Variants in ANPEP observed in about 807,000 individuals in gnomAD.
ANPEP encodes aminopeptidase N.
A neutral mutation model predicts 114.6 loss-of-function variants in ANPEP; 70 were observed. The observed-to-expected ratio is 0.61, with a 90% confidence interval of 0.50 to 0.75. ANPEP has a LOEUF of 0.75. Ranked by LOEUF, ANPEP falls within the 30% of genes least tolerant of loss-of-function variation. The pLI is 0.00. For synonymous variants in ANPEP, 548 were observed against 522.3 expected (o/e 1.05, Z -0.67); for missense variants, 1,184 against 1,259.5 (o/e 0.94, Z 0.91).
rs1382702066 is a variant in ANPEP, at chr15:89,804,279, C to T, written c.1153G>A (p.Val385Met). The T allele has an allele frequency of 9.9e-6, 16 of 1,614,198 alleles. No individual in the cohort carries two copies. The highest frequency in any genetic ancestry group is 1.4e-5 in the Non-Finnish European group (16 of 1,180,038). Residue 385 changes from valine (V) to methionine (M), a missense_variant, in exon 6 of 21, where the codon GTG becomes ATG. By Grantham distance (21) the Val-to-Met change is conservative. Coordinates refer to ENST00000300060, the MANE Select transcript of ANPEP (RefSeq NM_001150.3). ...SSSNKERVVT[V>M]IAHELAHQWF... ...TGGTGGGCCAGCTCATGAGCAATCA[C>T]AGTGACCACCCGCTCCTTGTTGCTG...
At position 89,801,528 on chromosome 15, in the gene ANPEP, G is replaced by T; in HGVS notation, c.1649C>A (p.Pro550Gln). The T allele has an allele frequency of 6.2e-7, 1 of 1,614,202 alleles. No individual in the cohort carries two copies. Among genetic ancestry groups the T allele is most frequent in the Non-Finnish European group, 8.5e-7 (1 of 1,180,018 alleles). ...CGTGCTGGTATCCACCGTGATGACC[G>T]GGAAGCCCATCTGCAGGGTCCAGCG... ...MNRWTLQMGF[P>Q]VITVDTSTGT... Residue 550 changes from proline to glutamine, a missense_variant, in exon 11 of 21, where the codon CCG (proline) becomes CAG (glutamine). Physicochemically the swap from Pro to Gln is moderately conservative, Grantham distance 76 (BLOSUM62 -1). Transcript: ENST00000300060.
At chr15:89,790,386 G>T in intron 20 of ANPEP, 74 bp downstream of exon 20, 1 of 1,424,536 alleles carries the variant, frequency 7.0e-7, no homozygotes, top group Non-Finnish European at 9.9e-7. Context: ...AGGGCCACGT[G>T]GGAGAAGAAT....
chr15:89,806,035 C>A lies in ANPEP; in HGVS notation c.549G>T (p.Glu183Asp), dbSNP rs1281388718. The change falls in exon 2 of 21, where the codon GAG becomes GAT. Residue 183 changes from glutamate to aspartate, a missense_variant. Coordinates refer to ENST00000300060, the MANE Select transcript of ANPEP (RefSeq NM_001150.3). The surrounding 1 kb of genome is among the most constrained non-coding windows in gnomAD (Gnocchi z 5.7). ...DSQYEMDSEF[E>D]GELADDLAGF... is the part of the protein sequence containing the mutation. ...CCGCCAGGTCATCTGCCAACTCCCC[C>A]TCGAACTCGCTGTCCATCTCATACT... 3 of 1,612,038 alleles carry A rather than the reference C, an allele frequency of 1.9e-6. No individual in the cohort carries two copies. The highest frequency in any genetic ancestry group is 1.3e-5 in the African/African-American group (1 of 74,892).
intron 1 of ANPEP, among the ~76,000 whole-genome samples, chr15:89,812,407 C>A (rs370600004): frequency 6.6e-6 from 1 of 152,242 alleles, no homozygotes; most frequent in South Asian, 2.1e-4. Context: ...TTCTCCCAGG[C>A]TTCTGAGGCC....
At chr15:89,807,233 AGTT>A (rs1222851260) in intron 1 of ANPEP, among the ~76,000 whole-genome samples, 1 of 152,162 alleles carries the variant, frequency 6.6e-6, no homozygotes, top group Non-Finnish European at 1.5e-5. Flanking sequence ...AAATGAAATG[AGTT>A]GTTTTGCTTT....
rs575686955 is a variant in ANPEP at position 89,799,155 on chromosome 15, G to A, written c.2009+105C>T. 19 of 1,324,484 alleles carry A rather than the reference G, an allele frequency of 1.4e-5. No homozygotes were observed. The East Asian group carries it at 2.3e-4, about 16-fold the overall frequency. 82.0% of individuals were successfully genotyped at this position (1,324,484 alleles called of 1,614,324 possible). On this transcript the variant is annotated intron_variant, in intron 14 of 20. Transcript: ENST00000300060. The surrounding 1 kb of genome is among the most constrained non-coding windows in gnomAD (Gnocchi z 4.2). ...AGCACAGGAGCTCAGGGCACAGCACGTGGCATATGGGAAGGGCAGCAGGAG... is the reference window on the plus strand; with the variant it reads ...AGCACAGGAGCTCAGGGCACAGCACATGGCATATGGGAAGGGCAGCAGGAG...
Position 89,785,232 on chromosome 15 carries a change from C to T in ANPEP, c.*117G>A. The T allele has an allele frequency of 7.3e-7, 1 of 1,363,590 alleles. No homozygotes were observed. The highest frequency in any genetic ancestry group is 2.3e-5 in the East Asian group (1 of 43,224). The allele number at this position is 1,363,590 out of a possible 1,614,324, so 84.5% of individuals were successfully genotyped here. Reference sequence around the variant, plus strand: ...AGAGAACGTGGGCTGGAGACTTTGTCCTTGAGGGGAGGACACTGGTGCCTC... The same window carrying T: ...AGAGAACGTGGGCTGGAGACTTTGTTCTTGAGGGGAGGACACTGGTGCCTC... On this transcript the variant is annotated 3_prime_UTR_variant, in exon 21 of 21. Transcript: ENST00000300060.
At position 89,806,180 on chromosome 15, in the gene ANPEP, T is replaced by C; in HGVS notation, c.404A>G (p.His135Arg). The C allele has an allele frequency of 1.9e-6, 3 of 1,614,154 alleles. No homozygotes were observed. Among genetic ancestry groups the C allele is most frequent in the Non-Finnish European group, 2.5e-6 (3 of 1,180,018 alleles). Residue 135 changes from histidine to arginine, a missense_variant, in exon 2 of 21, where the codon CAC becomes CGC. His to Arg is a conservative substitution (Grantham distance 29). Transcript: ENST00000300060. This position sits in a 1 kb window ranked among gnomAD's most constrained non-coding sequence, Gnocchi z 5.7. ...KKLNYTLSQG[H>R]RVVLRGVGGS... ...TCCCACACCACGCAGGACCACCCTG[T>C]GCCCCTGGCTGAGGGTGTAGTTGAG...
At chr15:89,790,839 C>T in intron 19 of ANPEP, 114 bp downstream of exon 19, 3 of 1,360,182 alleles carry the variant, frequency 2.2e-6, no homozygotes, top group Non-Finnish European at 3.0e-6. Context: ...CCAGGCTTGG[C>T]TGATTTTTGT....
At chr15:89,794,315 A>ATC (rs1191634757) in intron 15 of ANPEP, among the ~76,000 whole-genome samples, 1 of 151,806 alleles carries the variant, frequency 6.6e-6, no homozygotes, top group African/African-American at 2.4e-5. Flanking sequence ...GAAACCCCGA[A>ATC]GCTACTAAAA....
At position 89,803,182 on chromosome 15, in the gene ANPEP, C is replaced by A; in HGVS notation, c.1569+57G>T. 1 of 1,568,804 alleles carries A rather than the reference C, an allele frequency of 6.4e-7. No individual in the cohort carries two copies. Among genetic ancestry groups the A allele is most frequent in the Non-Finnish European group, 8.8e-7 (1 of 1,138,940 alleles). On this transcript the variant is annotated intron_variant, in intron 10 of 20. Transcript: ENST00000300060. The surrounding 1 kb of genome is among the most constrained non-coding windows in gnomAD (Gnocchi z 4.2). ...CTTACGCATGTGCTGCCCCCAGGTA[C>A]CTTCAGCATCTCAAGACCCCAACAG...
At chr15:89,795,555 C>A (rs1192154045) in intron 15 of ANPEP, among the ~76,000 whole-genome samples, 1 of 152,148 alleles carries the variant, frequency 6.6e-6, no homozygotes, top group African/African-American at 2.4e-5. Flanking sequence ...TGGTCACATT[C>A]AAATAACTGG....
chr15:89,803,125 G>T lies in ANPEP; in HGVS notation c.1569+114C>A. ...CAACAGAGGCTCCATCCACCCTGCA[G>T]GGCTGGTCAGCCGCGGAGCTGGACC... On this transcript the variant is annotated intron_variant, in intron 10 of 20. Transcript: ENST00000300060. This position sits in a 1 kb window ranked among gnomAD's most constrained non-coding sequence, Gnocchi z 4.2. 8.2e-7 allele frequency: 1 copy of T among 1,212,744 alleles called. No individual in the cohort carries two copies. Among genetic ancestry groups the T allele is most frequent in the South Asian group, 1.3e-5 (1 of 78,896 alleles). 75.1% of individuals were successfully genotyped at this position (1,212,744 alleles called of 1,614,324 possible). A position where few individuals can be genotyped will look rare whatever the true frequency, so the allele number is the denominator to read the frequency against.
chr15:89,801,161 G>A lies in ANPEP; in HGVS notation c.1769C>T (p.Ser590Phe). The A allele has an allele frequency of 6.2e-7, 1 of 1,614,154 alleles. No homozygotes were observed. ...CTGCTGCTGTCTGCCATCTCTGATG[G>A]ATGTGATGGGCACAATCCACACGTA... ...FNYVWIVPIT[S>F]IRDGRQQQDY... Residue 590 changes from serine (S) to phenylalanine (F), a missense_variant, in exon 12 of 21, where the codon TCC (serine) becomes TTC (phenylalanine). Transcript: ENST00000300060.
chr15:89,794,700 C>G (rs1479795577), intron 15 of ANPEP, among the ~76,000 whole-genome samples: 1 of 152,060 alleles, frequency 6.6e-6, no homozygotes, highest in Non-Finnish European at 1.5e-5. Flanking sequence ...GTGGGGTCAC[C>G]AGACCACAGT....
chr15:89,801,532 A>C lies in ANPEP; in HGVS notation c.1645T>G (p.Phe549Val), dbSNP rs1196069965. 2.5e-6 allele frequency: 4 copies of C among 1,614,190 alleles called. No homozygotes were observed. The highest frequency in any genetic ancestry group is 3.4e-6 in the Non-Finnish European group (4 of 1,180,016). The change falls in exon 11 of 21, where the codon TTC becomes GTC. Residue 549 changes from phenylalanine to valine, a missense_variant. Phe to Val is a conservative substitution (Grantham distance 50). Coordinates refer to ENST00000300060, the MANE Select transcript of ANPEP (RefSeq NM_001150.3). ...IMNRWTLQMG[F>V]PVITVDTSTG... ...CTGGTATCCACCGTGATGACCGGGA[A>C]GCCCATCTGCAGGGTCCAGCGGTTC...
In ANPEP at chr15:89,806,387, T is replaced by C; in HGVS notation, c.197A>G (p.Asp66Gly). The part of the protein sequence containing the change: ...TTNPASATTL[D>G]QSKAWNRYRL... Reference sequence around the variant, plus strand: ...GTAACGATTCCACGCTTTACTTTGGTCCAAGGTGGTGGCCGAGGCGGGGTT... The same window carrying C: ...GTAACGATTCCACGCTTTACTTTGGCCCAAGGTGGTGGCCGAGGCGGGGTT... The change falls in exon 2 of 21, where the codon GAC becomes GGC. Residue 66 changes from aspartate to glycine, a missense_variant. Coordinates refer to ENST00000300060, the MANE Select transcript of ANPEP (RefSeq NM_001150.3). This position sits in a 1 kb window ranked among gnomAD's most constrained non-coding sequence, Gnocchi z 5.7. The C allele has an allele frequency of 6.2e-7, 1 of 1,613,934 alleles. No homozygotes were observed. Among genetic ancestry groups the C allele is most frequent in the Non-Finnish European group, 8.5e-7 (1 of 1,179,918 alleles).
chr15:89,795,760 T>C (rs1376605743), intron 15 of ANPEP, among the ~76,000 whole-genome samples: 14 of 152,176 alleles, frequency 9.2e-5, no homozygotes, highest in Admixed American at 9.2e-4. Flanking sequence ...CATGAACCCT[T>C]TCTCAAAAAC....
chr15:89,794,867 C>T (rs1025654133), intron 15 of ANPEP, among the ~76,000 whole-genome samples: 2 of 152,166 alleles, frequency 1.3e-5, no homozygotes, highest in African/African-American at 2.4e-5. Flanking sequence ...TGCCTTGTCT[C>T]GAGAGAACAA....
Sources: gnomAD v4.1 joint callset for allele counts (sites outside exome capture counted in the v4.1 genomes callset) on GRCh38, gnomAD v4.1.1 for gene constraint, Gnocchi (gnomAD v3.1) non-coding constraint, MANE v1.5 for transcripts, NCBI Gene and HGNC (gene_info 2026-07-23, HGNC 2026-07-21) for gene names.